The following NECAB2 variants were observed in gnomAD, a reference collection of about 807,000 sequenced individuals.
The protein encoded by NECAB2 is N-terminal EF-hand calcium-binding protein 2.
Under a neutral mutation model 51.9 loss-of-function variants are expected in NECAB2, and 68 were observed. The observed-to-expected ratio is 1.31, with a 90% CI of 1.08 to 1.60. The LOEUF is 1.60. Among genes scored for constraint, NECAB2 ranks in the 40% most tolerant of loss-of-function variants. The pLI, the probability that NECAB2 is intolerant of heterozygous loss-of-function variation, is 0.00. For synonymous variants in NECAB2, 329 were observed against 203.5 expected (o/e 1.62, Z -5.25); for missense variants, 854 against 490.3 (o/e 1.74, Z -7.00).
At chr16:83,995,615 G>T (rs1347570355) in intron 8 of NECAB2, among the ~76,000 whole-genome samples, 2 of 152,174 alleles carry the variant, frequency 1.3e-5, no homozygotes, top group African/African-American at 4.8e-5. Context: ...AGAACCCTGG[G>T]ATTGAGGTGG....
chr16:83,989,791 A>G (rs2084598796), intron 5 of NECAB2, among the ~76,000 whole-genome samples: 1 of 152,190 alleles, frequency 6.6e-6, no homozygotes, highest in South Asian at 2.1e-4. Context: ...ATTCTGTTCC[A>G]CACCACAGAG....
chr16:83,970,732 T>C (rs561331553), intron 1 of NECAB2, among the ~76,000 whole-genome samples: 2 of 152,248 alleles, frequency 1.3e-5, no homozygotes, highest in Admixed American at 6.5e-5. Flanking sequence ...AGTACCCTCC[T>C]TGTTAAAACA....
At chr16:83,996,438 C>G (rs1363226948) in intron 8 of NECAB2, among the ~76,000 whole-genome samples, 1 of 152,204 alleles carries the variant, frequency 6.6e-6, no homozygotes, top group East Asian at 1.9e-4. Flanking sequence ...ACTCATCCAC[C>G]TGCTGCTGTT....
Position 83,981,056 on chromosome 16 carries a change from T to C in NECAB2, c.388T>C (p.Tyr130His), listed in dbSNP as rs555401969. Residue 130 changes from tyrosine (Y) to histidine (H), a missense_variant, in exon 5 of 13, where the codon TAT becomes CAT. Transcript: ENST00000305202. ...TTACTTTGTGGACCACATGGGTGAC[T>C]ATGAGGATGTCCTGGCCTCCCTGGA... ...CDYFVDHMGD[Y>H]EDVLASLETL... 6.2e-7 allele frequency: 1 copy of C among 1,614,136 alleles called. No individual in the cohort carries two copies. Among genetic ancestry groups the C allele is most frequent in the East Asian group, 2.2e-5 (1 of 44,874 alleles).
intron 5 of NECAB2, among the ~76,000 whole-genome samples, chr16:83,989,978 G>A (rs2084601639): frequency 6.6e-6 from 1 of 152,128 alleles, no homozygotes; most frequent in Non-Finnish European, 1.5e-5. Context: ...GTAGCAGCCT[G>A]GAGATCCAGG....
chr16:83,971,515 C>T (rs1035546671), intron 1 of NECAB2: 1 of 152,616 alleles, frequency 6.6e-6, no homozygotes. Context: ...GAGGAGGCAC[C>T]TGGTCTTGTA....
chr16:83,980,958 G>C, intron 4 of NECAB2, 72 bp from the exon 5 acceptor site: 1 of 1,604,958 alleles, frequency 6.2e-7, no homozygotes, highest in Non-Finnish European at 8.5e-7. Context: ...GGTAGCGCAG[G>C]TGGGAGGTGC....
intron 10 of NECAB2, 150 bp from the exon 11 acceptor site, chr16:84,000,574 C>G: frequency 1.7e-6 from 1 of 604,428 alleles, no homozygotes; most frequent in South Asian, 2.1e-5. Context: ...TGGGGTCACC[C>G]TGTCGAGTCT....
At chr16:83,993,737 C>G (rs975662298) in intron 6 of NECAB2, 1 of 159,924 alleles carries the variant, frequency 6.3e-6, no homozygotes, top group African/African-American at 2.4e-5. Flanking sequence ...TGAGTATGCA[C>G]AGGAGAGGGG....
At chr16:83,976,000 C>G (rs2084404557) in intron 2 of NECAB2, among the ~76,000 whole-genome samples, 1 of 152,134 alleles carries the variant, frequency 6.6e-6, no homozygotes, top group Non-Finnish European at 1.5e-5. Flanking sequence ...CCTTGCTGGC[C>G]TCTGTCTGCC....
At chr16:83,998,358 A>C (rs1261111658) in intron 10 of NECAB2, 41 bp downstream of exon 10, 6 of 1,580,402 alleles carry the variant, frequency 3.8e-6, no homozygotes, top group Admixed American at 1.7e-5. Flanking sequence ...GGTGGCAGGG[A>C]GCTCTGCCTG....
intron 10 of NECAB2, among the ~76,000 whole-genome samples, chr16:83,999,700 C>G (rs886421995): frequency 2.0e-5 from 3 of 152,072 alleles, no homozygotes; most frequent in Non-Finnish European, 4.4e-5. Flanking sequence ...GTGCGGGCCC[C>G]TGGGTCCCAT....
In NECAB2 at chr16:83,996,341, G is replaced by A. The variant is rs148174267; in HGVS notation, c.796-875G>A. ...CCCCCAGAAGGCAGTACCCTTGCCA[G>A]GATCAGCTACTACAGAGCCCAGTGC... On this transcript the variant is annotated intron_variant, in intron 8 of 12. Transcript: ENST00000305202. 4.1e-4 allele frequency among the ~76,000 whole-genome samples: 62 copies of A among 152,356 alleles called. 1 individual carries two copies. Among genetic ancestry groups the A allele is most frequent in the Admixed American group, 2.1e-3 (32 of 15,296 alleles).
intron 2 of NECAB2, among the ~76,000 whole-genome samples, chr16:83,977,441 TG>T: frequency 6.6e-6 from 1 of 152,236 alleles, no homozygotes; most frequent in South Asian, 2.1e-4. Context: ...CCACCTCCCC[TG>T]GTGGCCCAAT....
intron 9 of NECAB2, among the ~76,000 whole-genome samples, chr16:83,997,536 G>A (rs1449762192): frequency 7.2e-6 from 1 of 139,660 alleles, no homozygotes; most frequent in South Asian, 2.2e-4. Flanking sequence ...CTCCCAGGCT[G>A]GAGTGCAGTG....
At chr16:83,972,824 CAGA>C (rs369827846) in intron 2 of NECAB2, among the ~76,000 whole-genome samples, 363 of 152,324 alleles carry the variant, frequency 2.4e-3, no homozygotes, top group African/African-American at 8.4e-3. Context: ...GCTTCACTTG[CAGA>C]AGGAGCCCAG....
At position 84,001,287 on chromosome 16, in the gene NECAB2, G is replaced by C. The variant is rs1038607173; in HGVS notation, c.1040+486G>C. ...TCTGCTCAGCACACATCTGGGAGAG[G>C]GTGGAGACTATTGCTGATGCGCCAG... On this transcript the variant is annotated intron_variant, in intron 11 of 12. Transcript: ENST00000305202. Among the ~76,000 whole-genome samples, 19 of 152,012 alleles carry C rather than the reference G, an allele frequency of 1.2e-4. No homozygotes were observed. The East Asian group carries it at 3.7e-3, about 29-fold the overall frequency.
chr16:84,000,705 C>CCATCTCCTGTTGCT lies in NECAB2; in HGVS notation c.963-19_963-18insCATCTCCTGTTGCT. On this transcript the variant is annotated intron_variant, in intron 10 of 12. Transcript: ENST00000305202. Reference sequence around the variant, plus strand: ...TGGTTGAGCTCCAGCCTCCTCCCCCCGACCATCTCCTGTTGCAGCATCACT... The same window carrying CCATCTCCTGTTGCT: ...TGGTTGAGCTCCAGCCTCCTCCCCCCCATCTCCTGTTGCTGACCATCTCCTGTTGCAGCATCACT... 1.2e-6 allele frequency: 2 copies of CCATCTCCTGTTGCT among 1,612,738 alleles called. No homozygotes were observed. The highest frequency in any genetic ancestry group is 1.7e-6 in the Non-Finnish European group (2 of 1,179,290).
At chr16:83,990,393 A>T in intron 5 of NECAB2, 101 bp from the exon 6 acceptor site, 6 of 1,481,056 alleles carry the variant, frequency 4.1e-6, no homozygotes, top group Non-Finnish European at 5.5e-6. Flanking sequence ...TTGCAAAGCA[A>T]ATTCACCAGC....
Sources: allele counts gnomAD v4.1 joint callset (sites outside exome capture counted in the v4.1 genomes callset), GRCh38; gene constraint gnomAD v4.1.1; transcripts MANE v1.5; gene names NCBI Gene and HGNC (gene_info 2026-07-23, HGNC 2026-07-21).